BARD1: variants seen among roughly 807,000 people sequenced by gnomAD.
The protein encoded by BARD1 is BRCA1-associated RING domain protein 1.
Under a neutral mutation model 77.0 loss-of-function variants are expected in BARD1, and 73 were observed. The ratio of observed to expected loss-of-function variants is 0.95; its 90% CI spans 0.79 to 1.15. The LOEUF (loss-of-function observed/expected upper bound fraction) is 1.15, where lower values mean the gene tolerates loss of function less well. Ranked by LOEUF, BARD1 falls within the 50% of genes most tolerant of loss-of-function variation. The probability of loss-of-function intolerance (pLI) is 0.00; values close to 1 mark genes in which losing one functional copy is unlikely to be tolerated. For synonymous variants in BARD1, 384 were observed against 338.0 expected, an observed-to-expected ratio of 1.14 and a Z score of -1.49; for missense variants, 993 against 938.8, an observed-to-expected ratio of 1.06 and a Z score of -0.75.
At chr2:214,790,396 A>G (rs1383283661) in intron 3 of BARD1, among the ~76,000 whole-genome samples, 3 of 152,136 alleles carry the variant, frequency 2.0e-5, no homozygotes, top group Non-Finnish European at 2.9e-5. Flanking sequence ...TCCCAACGCA[A>G]TATGACTCCT....
At chr2:214,808,570 A>G (rs1040937098) in intron 1 of BARD1, among the ~76,000 whole-genome samples, 2 of 152,264 alleles carry the variant, frequency 1.3e-5, no homozygotes, top group African/African-American at 4.8e-5. Context: ...TCATACAGAA[A>G]TACTTAGCTG....
At chr2:214,735,166 T>C (rs149996435) in intron 9 of BARD1, among the ~76,000 whole-genome samples, 114 of 152,312 alleles carry the variant, frequency 7.5e-4, no homozygotes, top group Non-Finnish European at 1.4e-3. Context: ...ACACAGTATT[T>C]AATATTTTCC....
At chr2:214,757,933 CA>C (rs77798567) in intron 6 of BARD1, among the ~76,000 whole-genome samples, 45 of 149,938 alleles carry the variant, frequency 3.0e-4, no homozygotes, top group African/African-American at 1.1e-3. Context: ...TTAGAACCAC[CA>C]AAAAAAAGGA....
chr2:214,753,031 T>C (rs1381594266), intron 6 of BARD1, among the ~76,000 whole-genome samples: 1 of 152,152 alleles, frequency 6.6e-6, no homozygotes, highest in Non-Finnish European at 1.5e-5. Flanking sequence ...ACTTTAAAAA[T>C]TAATTTAAAC....
intron 9 of BARD1, among the ~76,000 whole-genome samples, chr2:214,732,322 C>T (rs928343474): frequency 6.6e-6 from 1 of 151,970 alleles, no homozygotes; most frequent in Non-Finnish European, 1.5e-5. Flanking sequence ...AACTGTCCTG[C>T]GATTGCATCT....
At chr2:214,776,713 C>G (rs573123441) in intron 4 of BARD1, among the ~76,000 whole-genome samples, 13 of 152,162 alleles carry the variant, frequency 8.5e-5, no homozygotes, top group Non-Finnish European at 1.6e-4. Context: ...GAATAATCCC[C>G]AGAACCTGTG....
chr2:214,728,341 A>G lies in BARD1; in HGVS notation c.*335T>C, dbSNP rs1015546268. 1.4e-4 allele frequency: 38 copies of G among 273,596 alleles called. No homozygotes were observed. The highest frequency in any genetic ancestry group is 2.1e-4 in the Non-Finnish European group (30 of 144,610). 16.9% of individuals were successfully genotyped at this position (273,596 alleles called of 1,614,324 possible). On this transcript the variant is annotated 3_prime_UTR_variant, in exon 11 of 11. Transcript: ENST00000260947. ...CTGGTGGCAGGTATGGAGAATATTA[A>G]AAGACTCAAACAGTAATGATACCAC...
intron 3 of BARD1, among the ~76,000 whole-genome samples, chr2:214,791,170 A>G (rs1325598440): frequency 6.6e-6 from 1 of 152,206 alleles, no homozygotes; most frequent in East Asian, 1.9e-4. Flanking sequence ...ATTTTATCAT[A>G]AAAGAATGGA....
chr2:214,744,428 A>C (rs1260707371), intron 9 of BARD1, among the ~76,000 whole-genome samples: 1 of 152,254 alleles, frequency 6.6e-6, no homozygotes, highest in Non-Finnish European at 1.5e-5. Flanking sequence ...CATGTCATGC[A>C]GTATATTTAA....
Position 214,727,511 on chromosome 2 carries a change from A to T in BARD1, c.*1165T>A, listed in dbSNP as rs1692131950. Reference sequence around the variant, plus strand: ...TTAAAAAAATGTTTCAAAATAATCTAATGTATCCTTGTCGATTCATGAATG... The same window carrying T: ...TTAAAAAAATGTTTCAAAATAATCTTATGTATCCTTGTCGATTCATGAATG... On this transcript the variant is annotated 3_prime_UTR_variant, in exon 11 of 11. Coordinates refer to ENST00000260947, the MANE Select transcript of BARD1 (RefSeq NM_000465.4). 1 of 231,944 alleles carries T rather than the reference A, an allele frequency of 4.3e-6. No individual in the cohort carries two copies. Among genetic ancestry groups the T allele is most frequent in the Admixed American group, 5.6e-5 (1 of 17,742 alleles). The allele number at this position is 231,944 out of a possible 1,614,324, so 14.4% of individuals were successfully genotyped here.
intron 9 of BARD1, among the ~76,000 whole-genome samples, chr2:214,736,636 T>C (rs185600319): frequency 6.6e-6 from 1 of 152,088 alleles, no homozygotes; most frequent in Non-Finnish European, 1.5e-5. Flanking sequence ...CATCTATTCC[T>C]CCTGAAAACA....
intron 4 of BARD1, among the ~76,000 whole-genome samples, chr2:214,775,142 TAAAG>T (rs1468049977): frequency 4.6e-5 from 7 of 152,220 alleles, no homozygotes; most frequent in African/African-American, 1.7e-4. Context: ...TTAAATTACT[TAAAG>T]AATTTTTTCT....
Position 214,726,464 on chromosome 2 carries a change from G to A in BARD1, c.*2212C>T. ...TATACTGTATTCGGAATAATCTAAG[G>A]TAATAAAGTATCTAGTACACTTTAG... is the stretch of plus-strand genomic sequence containing the variant. On this transcript the variant is annotated 3_prime_UTR_variant, in exon 11 of 11. Coordinates refer to ENST00000260947, the MANE Select transcript of BARD1 (RefSeq NM_000465.4). The A allele has an allele frequency of 4.7e-6, 1 of 214,050 alleles. No homozygotes were observed. The highest frequency in any genetic ancestry group is 7.1e-5 in the East Asian group (1 of 14,108). The allele number at this position is 214,050 out of a possible 1,614,324, so 13.3% of individuals were successfully genotyped here.
intron 9 of BARD1, among the ~76,000 whole-genome samples, chr2:214,744,214 T>C (rs1574735357): frequency 6.6e-6 from 1 of 151,982 alleles, no homozygotes; most frequent in African/African-American, 2.4e-5. Context: ...TGATGGTGGG[T>C]TGACTATCAG....
chr2:214,774,524 T>C (rs957600458), intron 4 of BARD1, among the ~76,000 whole-genome samples: 14 of 152,230 alleles, frequency 9.2e-5, no homozygotes, highest in Non-Finnish European at 1.8e-4. Context: ...ATATCTTTCC[T>C]GAACAGTAGG....
At chr2:214,753,363 G>A (rs1205970874) in intron 6 of BARD1, among the ~76,000 whole-genome samples, 1 of 152,024 alleles carries the variant, frequency 6.6e-6, no homozygotes, top group Admixed American at 6.6e-5. Context: ...CCTTACATAT[G>A]GTTTCAGAAT....
chr2:214,750,821 TAGTG>T (rs759399031), intron 7 of BARD1, among the ~76,000 whole-genome samples: 1 of 151,994 alleles, frequency 6.6e-6, no homozygotes, highest in Non-Finnish European at 1.5e-5. Flanking sequence ...GGAAACTTCT[TAGTG>T]AGGACAAATC....
At chr2:214,804,654 T>C (rs114232305) in intron 1 of BARD1, among the ~76,000 whole-genome samples, 2,352 of 152,030 alleles carry the variant, frequency 0.015, 22 homozygotes, top group Non-Finnish European at 0.023. Context: ...GGAACCAGAG[T>C]CCAGGAAAGC....
intron 10 of BARD1, chr2:214,730,125 G>C (rs1463879881): frequency 1.6e-5 from 7 of 443,862 alleles, no homozygotes; most frequent in Non-Finnish European, 1.2e-5. Flanking sequence ...AGCAGCAGCT[G>C]TAAGTCTTCT....
Sources: gnomAD v4.1 joint callset for allele counts (sites outside exome capture counted in the v4.1 genomes callset) on GRCh38, gnomAD v4.1.1 for gene constraint, MANE v1.5 for transcripts, NCBI Gene and HGNC (gene_info 2026-07-23, HGNC 2026-07-21) for gene names.